The following DPYD variants were observed in gnomAD, a reference collection of about 807,000 sequenced individuals.
DPYD encodes the protein dihydropyrimidine dehydrogenase.
Under a neutral mutation model 116.2 loss-of-function variants are expected in DPYD, and 109 were observed. The observed-to-expected ratio is 0.94, with a 90% CI of 0.80 to 1.10. The LOEUF is 1.10. DPYD is among the 50% of genes least tolerant of loss of function. The pLI is 0.00. For synonymous variants in DPYD, 440 were observed against 432.0 expected, an observed-to-expected ratio of 1.02 and a Z score of -0.23; for missense variants, 1,302 against 1,254.5, an observed-to-expected ratio of 1.04 and a Z score of -0.57.
chr1:97,293,776 T>C (rs1450661438), intron 18 of DPYD, among the ~76,000 whole-genome samples: 1 of 152,078 alleles, frequency 6.6e-6, no homozygotes, highest in Non-Finnish European at 1.5e-5. Flanking sequence ...ACCCTATCTC[T>C]ACTAAAAATA....
At position 97,291,275 on chromosome 1, in the gene DPYD, G is replaced by A. The variant is rs1352799367; in HGVS notation, c.2299+13984C>T. 3.9e-5 allele frequency among the ~76,000 whole-genome samples: 6 copies of A among 152,262 alleles called. No homozygotes were observed. The South Asian group carries it at 8.3e-4, about 21-fold the overall frequency. ...TAGTTCAACCATTATGGAAGTCAGT[G>A]TGGCGATTCCTCAGGGATCTAGAAC... On this transcript the variant is annotated intron_variant, in intron 18 of 22. Coordinates refer to ENST00000370192, the MANE Select transcript of DPYD (RefSeq NM_000110.4).
intron 18 of DPYD, among the ~76,000 whole-genome samples, chr1:97,288,371 A>G (rs1665882638): frequency 6.6e-6 from 1 of 151,632 alleles, no homozygotes; most frequent in African/African-American, 2.4e-5. Flanking sequence ...ACCCCAAATC[A>G]ACAGAATATA....
At chr1:97,875,297 A>G (rs2101625252) in intron 2 of DPYD, among the ~76,000 whole-genome samples, 1 of 152,130 alleles carries the variant, frequency 6.6e-6, no homozygotes, top group South Asian at 2.1e-4. Context: ...AACCAATACA[A>G]TATCTAGGTG....
intron 18 of DPYD, among the ~76,000 whole-genome samples, chr1:97,243,096 T>C (rs1037009946): frequency 4.6e-5 from 7 of 151,906 alleles, no homozygotes; most frequent in Non-Finnish European, 1.0e-4. Flanking sequence ...TCTTGATGGC[T>C]ACTTGACAGC....
chr1:97,122,143 C>T lies in DPYD; in HGVS notation c.2623-23511G>A, dbSNP rs1206232130. Among the ~76,000 whole-genome samples the T allele has an allele frequency of 5.3e-5, 8 of 152,134 alleles. No homozygotes were observed. The East Asian group carries it at 9.6e-4, about 18-fold the overall frequency. On this transcript the variant is annotated intron_variant, in intron 20 of 22. Coordinates refer to ENST00000370192, the MANE Select transcript of DPYD (RefSeq NM_000110.4). ...GCATTTGAGGAGTAGCAATTAGCCT[C>T]ATGTAGCCTACTTCCTTTGTAGATG...
intron 14 of DPYD, among the ~76,000 whole-genome samples, chr1:97,411,384 T>A (rs1485169890): frequency 6.6e-6 from 1 of 152,068 alleles, no homozygotes; most frequent in African/African-American, 2.4e-5. Context: ...TCATATTCCA[T>A]CCTCACTACA....
intron 18 of DPYD, among the ~76,000 whole-genome samples, chr1:97,286,882 G>A (rs190431030): frequency 2.0e-3 from 299 of 152,250 alleles, no homozygotes; most frequent in African/African-American, 6.2e-3. Flanking sequence ...CCTGTAGCTC[G>A]GAGTAGTTTG....
chr1:97,751,460 G>GTGTGTGTATGTATA (rs763260651), intron 3 of DPYD, among the ~76,000 whole-genome samples: 1 of 21,274 alleles, frequency 4.7e-5, no homozygotes, highest in Non-Finnish European at 8.1e-5. Context: ...GTGTGTGTGT[G>GTGTGTGTATGTATA]TATATATATA....
intron 5 of DPYD, chr1:97,720,896 G>C: frequency 6.2e-7 from 1 of 1,609,622 alleles, no homozygotes; most frequent in Non-Finnish European, 8.5e-7. Flanking sequence ...CTTTACAAAT[G>C]ATTCATTAAA....
At chr1:97,265,310 T>C (rs553600643) in intron 18 of DPYD, 20 of 152,284 alleles carry the variant, frequency 1.3e-4, no homozygotes, top group African/African-American at 4.8e-4. Flanking sequence ...TAAAGTCCCA[T>C]CTCTTTTTCT....
intron 14 of DPYD, among the ~76,000 whole-genome samples, chr1:97,424,805 A>T (rs1674776945): frequency 6.6e-6 from 1 of 151,944 alleles, no homozygotes; most frequent in Non-Finnish European, 1.5e-5. Flanking sequence ...TTGAAGGTTA[A>T]TTTTTTCTCA....
intron 8 of DPYD, among the ~76,000 whole-genome samples, chr1:97,625,952 G>C (rs1162560096): frequency 2.0e-5 from 3 of 151,988 alleles, no homozygotes. Context: ...GGTCACGTGG[G>C]CTTTGGCAGA....
chr1:97,730,540 T>C (rs558381506), intron 4 of DPYD, among the ~76,000 whole-genome samples: 2 of 152,120 alleles, frequency 1.3e-5, no homozygotes, highest in South Asian at 2.1e-4. Context: ...TCCTTTAATA[T>C]TGAAAATGAA....
At chr1:97,546,833 A>C in intron 12 of DPYD, 1 of 1,612,216 alleles carries the variant, frequency 6.2e-7, no homozygotes, top group South Asian at 1.1e-5. Flanking sequence ...GAAGTTCATG[A>C]GGCCAAGCCT....
intron 13 of DPYD, among the ~76,000 whole-genome samples, chr1:97,510,118 A>AC (rs113883753): frequency 1.2e-3 from 176 of 148,804 alleles, no homozygotes; most frequent in Admixed American, 2.7e-3. Context: ...AACAACAACA[A>AC]AAAAAAAAAA....
intron 8 of DPYD, among the ~76,000 whole-genome samples, chr1:97,652,340 T>TCA (rs1658635334): frequency 6.6e-6 from 1 of 152,178 alleles, no homozygotes; most frequent in Non-Finnish European, 1.5e-5. Flanking sequence ...GACCTGATAA[T>TCA]GAATTCATAA....
intron 14 of DPYD, among the ~76,000 whole-genome samples, chr1:97,436,810 A>G (rs1675496643): frequency 1.3e-5 from 2 of 151,962 alleles, no homozygotes; most frequent in South Asian, 4.1e-4. Flanking sequence ...AGTGAGAATG[A>G]TCAAAATGCT....
chr1:97,198,083 T>G (rs1309315601), intron 19 of DPYD, among the ~76,000 whole-genome samples: 1 of 152,192 alleles, frequency 6.6e-6, no homozygotes, highest in Non-Finnish European at 1.5e-5. Flanking sequence ...TTTTAAAATT[T>G]TGTTGCACAT....
At chr1:97,387,376 T>C (rs6677502) in intron 14 of DPYD, among the ~76,000 whole-genome samples, 29,194 of 152,006 alleles carry the variant, frequency 0.19, 2,982 homozygotes, top group South Asian at 0.38. Context: ...TTTCTTGAGC[T>C]CCACTATATG....
Sources: gnomAD v4.1 joint callset for allele counts (sites outside exome capture counted in the v4.1 genomes callset) on GRCh38, gnomAD v4.1.1 for gene constraint, MANE v1.5 for transcripts, NCBI Gene and HGNC (gene_info 2026-07-23, HGNC 2026-07-21) for gene names.